LCORL: variants seen among roughly 807,000 people sequenced by gnomAD.
LCORL encodes ligand-dependent nuclear receptor corepressor-like protein.
A neutral mutation model predicts 141.8 loss-of-function variants in LCORL; 41 were observed. The ratio of observed to expected loss-of-function variants is 0.29; its 90% CI spans 0.23 to 0.38. The LOEUF (loss-of-function observed/expected upper bound fraction) is 0.38, where lower values mean the gene tolerates loss of function less well. Among genes scored for constraint, LCORL ranks in the 10% least tolerant of loss-of-function variants. The pLI is 1.00. For synonymous variants in LCORL, 618 were observed against 694.1 expected, an observed-to-expected ratio of 0.89 and a Z score of 1.72; for missense variants, 1,759 against 2,035.0, an observed-to-expected ratio of 0.86 and a Z score of 2.61.
chr4:17,999,744 G>A (rs1400959309), intron 1 of LCORL, among the ~76,000 whole-genome samples: 1 of 152,162 alleles, frequency 6.6e-6, no homozygotes. Flanking sequence ...GACACTAGTA[G>A]GTGGGAAGTA....
chr4:17,857,468 G>A (rs990648308), intron 7 of LCORL, among the ~76,000 whole-genome samples: 2 of 152,134 alleles, frequency 1.3e-5, no homozygotes, highest in South Asian at 2.1e-4. Context: ...GGTAAAGTCC[G>A]CAGGTGGGTA....
At chr4:17,881,776 C>T (rs1476512817) in intron 6 of LCORL, 1 of 979,000 alleles carries the variant, frequency 1.0e-6, no homozygotes, top group Non-Finnish European at 1.2e-6. Flanking sequence ...CAAAGTTTTC[C>T]AAGTAAAATT....
At position 17,962,092 on chromosome 4, in the gene LCORL, C is replaced by T. The variant is rs931074340; in HGVS notation, c.301-60G>A. 4 of 1,287,468 alleles carry T rather than the reference C, an allele frequency of 3.1e-6. No homozygotes were observed. In the African/African-American group the frequency reaches 6.0e-5, roughly 19 times the overall value. The allele number at this position is 1,287,468 out of a possible 1,614,324, so 79.8% of individuals were successfully genotyped here. On this transcript the variant is annotated intron_variant, in intron 3 of 7. Transcript: ENST00000635767. ...ATTTTTTAATTCAAACATGGAATTC[C>T]ATTAAAAATGACAAAAAATTAATGC... is the stretch of plus-strand genomic sequence containing the variant.
chr4:17,939,188 T>A (rs996712969), intron 4 of LCORL, among the ~76,000 whole-genome samples: 4 of 152,128 alleles, frequency 2.6e-5, no homozygotes, highest in African/African-American at 9.7e-5. Context: ...GTGCACAACA[T>A]CATTAGTCAT....
chr4:17,858,229 G>C (rs1370946896), intron 7 of LCORL, among the ~76,000 whole-genome samples: 2 of 151,854 alleles, frequency 1.3e-5, no homozygotes, highest in Non-Finnish European at 2.9e-5. Context: ...AAATATCCTA[G>C]ATGGTATTAA....
At chr4:17,912,316 A>G in intron 4 of LCORL, 1 of 677,900 alleles carries the variant, frequency 1.5e-6, no homozygotes, top group Non-Finnish European at 2.8e-6. Flanking sequence ...CGAGGCTCTC[A>G]AAGAGGAGCT....
At chr4:17,991,890 CCTCACA>C (rs67302175) in intron 1 of LCORL, among the ~76,000 whole-genome samples, 25,781 of 151,914 alleles carry the variant, frequency 0.17, 2,446 homozygotes, top group South Asian at 0.26. Flanking sequence ...TCACCCTCAC[CCTCACA>C]GAGAGGTGTA....
At chr4:17,883,008 C>T in intron 6 of LCORL, 2 of 971,570 alleles carry the variant, frequency 2.1e-6, no homozygotes, top group Non-Finnish European at 2.4e-6. Flanking sequence ...GGTTCTATAG[C>T]TGCTGGGGTT....
intron 7 of LCORL, among the ~76,000 whole-genome samples, chr4:17,868,380 A>T (rs1239317899): frequency 6.6e-6 from 1 of 152,104 alleles, no homozygotes; most frequent in Non-Finnish European, 1.5e-5. Flanking sequence ...TTTATGGGAA[A>T]ATTTAATGTT....
exon 7 of LCORL, chr4:17,876,755 C>T: frequency 8.1e-7 from 1 of 1,230,778 alleles, no homozygotes; most frequent in Non-Finnish European, 1.0e-6. Flanking sequence ...TATCATTTTG[C>T]AAAAATTGTT....
chr4:17,973,586 A>G (rs886184252), intron 1 of LCORL, among the ~76,000 whole-genome samples: 3 of 151,938 alleles, frequency 2.0e-5, no homozygotes, highest in African/African-American at 7.2e-5. Context: ...CATCCAAAAA[A>G]AAATATGATC....
intron 7 of LCORL, among the ~76,000 whole-genome samples, chr4:17,866,114 G>C (rs959216045): frequency 1.3e-5 from 2 of 151,954 alleles, no homozygotes; most frequent in African/African-American, 4.8e-5. Context: ...TTCTTGACTA[G>C]ACACACTGGC....
intron 1 of LCORL, among the ~76,000 whole-genome samples, chr4:18,013,713 G>A (rs1191126474): frequency 6.6e-6 from 1 of 152,084 alleles, no homozygotes. Flanking sequence ...TGCACACCTT[G>A]CACATACTAG....
chr4:17,894,900 C>T (rs904819623), intron 5 of LCORL, among the ~76,000 whole-genome samples: 6 of 151,936 alleles, frequency 3.9e-5, no homozygotes, highest in African/African-American at 1.5e-4. Context: ...TCACGAGGTA[C>T]ATAAAGTCTA....
At chr4:17,887,143 C>T (rs181532999) in intron 5 of LCORL, among the ~76,000 whole-genome samples, 24 of 152,120 alleles carry the variant, frequency 1.6e-4, no homozygotes, top group Admixed American at 1.4e-3. Flanking sequence ...AACATCCTAT[C>T]TATAGCCTCC....
intron 4 of LCORL, among the ~76,000 whole-genome samples, chr4:17,945,779 T>C (rs1738779135): frequency 1.3e-5 from 2 of 151,868 alleles, no homozygotes; most frequent in Admixed American, 6.6e-5. Flanking sequence ...CTATGAAAAT[T>C]TTCTGTATTT....
intron 1 of LCORL, among the ~76,000 whole-genome samples, chr4:17,978,779 C>T (rs1464535074): frequency 6.6e-6 from 1 of 152,116 alleles, no homozygotes; most frequent in African/African-American, 2.4e-5. Context: ...GGTTTTCAGC[C>T]AGATTCAAGG....
At chr4:17,967,486 A>G (rs956857869) in intron 2 of LCORL, among the ~76,000 whole-genome samples, 1 of 152,198 alleles carries the variant, frequency 6.6e-6, no homozygotes, top group Non-Finnish European at 1.5e-5. Context: ...GAGGAAAGAG[A>G]GTACATGGAA....
chr4:18,020,529 A>G (rs1312912806), intron 1 of LCORL: 2 of 145,264 alleles, frequency 1.4e-5, no homozygotes, highest in Non-Finnish European at 3.0e-5. Context: ...CACTAAACCA[A>G]CCTGCTGGAT....
Sources: allele counts gnomAD v4.1 joint callset (sites outside exome capture counted in the v4.1 genomes callset), GRCh38; gene constraint gnomAD v4.1.1; transcripts MANE v1.5; gene names NCBI Gene and HGNC (gene_info 2026-07-23, HGNC 2026-07-21).